The following LMNB1 variants were observed in gnomAD, a reference collection of about 807,000 sequenced individuals.
LMNB1 encodes lamin-B1.
In LMNB1, 23 loss-of-function variants were observed where a neutral mutation model predicts 67.1. The ratio of observed to expected loss-of-function variants is 0.34; its 90% CI spans 0.25 to 0.49. The LOEUF (loss-of-function observed/expected upper bound fraction) is 0.49. Among genes scored for constraint, LMNB1 ranks in the 20% least tolerant of loss-of-function variants. The probability of loss-of-function intolerance (pLI) is 0.99; values close to 1 mark genes in which losing one functional copy is unlikely to be tolerated. For synonymous variants in LMNB1, 281 were observed against 282.9 expected (o/e 0.99, Z 0.07); for missense variants, 634 against 746.5 (o/e 0.85, Z 1.76).
At chr5:126,780,609 G>A (rs1403422236) in intron 1 of LMNB1, among the ~76,000 whole-genome samples, 1 of 152,232 alleles carries the variant, frequency 6.6e-6, no homozygotes, top group Non-Finnish European at 1.5e-5. Flanking sequence ...AAGGGTTAGT[G>A]TGATTAAGGA....
intron 5 of LMNB1, among the ~76,000 whole-genome samples, chr5:126,818,320 C>G (rs1751763050): frequency 6.7e-6 from 1 of 149,820 alleles, no homozygotes; most frequent in Non-Finnish European, 1.5e-5. Context: ...CTCACTGCAA[C>G]CTCTGCCTCC....
At chr5:126,783,719 GTCTTT>G (rs1218627149) in intron 1 of LMNB1, among the ~76,000 whole-genome samples, 2 of 152,054 alleles carry the variant, frequency 1.3e-5, no homozygotes, top group Non-Finnish European at 2.9e-5. Context: ...AATATGGTGG[GTCTTT>G]TCTTTTTTGT....
intron 1 of LMNB1, among the ~76,000 whole-genome samples, chr5:126,787,540 ATATATAT>A (rs1479602718): frequency 4.2e-5 from 2 of 47,210 alleles, no homozygotes; most frequent in African/African-American, 1.4e-4. Context: ...ATATATATAT[ATATATAT>A]TTTTTTTTTT....
intron 9 of LMNB1, among the ~76,000 whole-genome samples, chr5:126,827,113 G>A (rs538485067): frequency 6.6e-6 from 1 of 152,232 alleles, no homozygotes; most frequent in Non-Finnish European, 1.5e-5. Flanking sequence ...TCTGAGTGGT[G>A]CTGAAAGGAG....
intron 2 of LMNB1, 84 bp downstream of exon 2, chr5:126,805,016 T>C (rs1751384052): frequency 5.2e-6 from 6 of 1,154,170 alleles, no homozygotes; most frequent in Non-Finnish European, 7.3e-6. Flanking sequence ...GATTGATTGA[T>C]TTTCAAATGT....
chr5:126,819,177 C>T (rs374667020), intron 6 of LMNB1, 35 bp downstream of exon 6: 7 of 1,403,484 alleles, frequency 5.0e-6, no homozygotes, highest in Non-Finnish European at 6.0e-6. Context: ...CCTTATGGTC[C>T]ACTTTTTGCC....
chr5:126,778,815 G>A (rs974350397), intron 1 of LMNB1, among the ~76,000 whole-genome samples: 1 of 152,176 alleles, frequency 6.6e-6, no homozygotes, highest in African/African-American at 2.4e-5. Flanking sequence ...CAGGGCAGGT[G>A]ACAGGGTGCT....
rs1252289065 is a variant in LMNB1, at chr5:126,795,854, T to A, written c.360-8922T>A. 2.0e-5 allele frequency among the ~76,000 whole-genome samples: 3 copies of A among 151,588 alleles called. No homozygotes were observed. In the East Asian group the frequency reaches 5.8e-4, roughly 30 times the overall value. The stretch of plus-strand genomic sequence containing the variant: ...GTTGGATCAGGCTGGTCTCAAACTC[T>A]TGACCTCATGATCCGCCTTCCTTGG... On this transcript the variant is annotated intron_variant, in intron 1 of 10. Transcript: ENST00000261366.
chr5:126,831,942 T>G (rs188815673), intron 9 of LMNB1, among the ~76,000 whole-genome samples: 1 of 152,150 alleles, frequency 6.6e-6, no homozygotes, highest in Non-Finnish European at 1.5e-5. Flanking sequence ...GTTACTGATA[T>G]ACAGCTCCCC....
intron 3 of LMNB1, among the ~76,000 whole-genome samples, chr5:126,806,232 T>C (rs562367938): frequency 2.6e-5 from 4 of 152,292 alleles, no homozygotes; most frequent in Admixed American, 6.5e-5. Context: ...GGATTACAGG[T>C]GTGAGCCACC....
At chr5:126,822,311 C>T (rs1269038496) in intron 7 of LMNB1, among the ~76,000 whole-genome samples, 1 of 152,088 alleles carries the variant, frequency 6.6e-6, no homozygotes, top group Non-Finnish European at 1.5e-5. Context: ...TTTTTTGAGC[C>T]CCTTATGCTT....
intron 7 of LMNB1, among the ~76,000 whole-genome samples, chr5:126,822,035 G>C (rs1218337397): frequency 7.9e-6 from 1 of 126,268 alleles, no homozygotes; most frequent in East Asian, 2.3e-4. Flanking sequence ...TTTGAGTCTT[G>C]CTCTGTTGCC....
intron 1 of LMNB1, among the ~76,000 whole-genome samples, chr5:126,795,292 T>A (rs890712388): frequency 6.6e-6 from 1 of 152,066 alleles, no homozygotes; most frequent in African/African-American, 2.4e-5. Context: ...CACAGGCCAC[T>A]ACTCCCAGCT....
chr5:126,822,986 C>T (rs1238737463), intron 8 of LMNB1, 101 bp downstream of exon 8: 18 of 703,722 alleles, frequency 2.6e-5, no homozygotes, highest in Non-Finnish European at 4.0e-5. Context: ...TAGAAATGGC[C>T]GTTAAAGTAC....
chr5:126,821,543 T>C (rs1638472687), intron 7 of LMNB1, among the ~76,000 whole-genome samples: 1 of 152,218 alleles, frequency 6.6e-6, no homozygotes, highest in Non-Finnish European at 1.5e-5. Context: ...GATAAGAGCC[T>C]GGACTCAGAT....
intron 1 of LMNB1, among the ~76,000 whole-genome samples, chr5:126,785,788 C>T (rs1488121029): frequency 6.6e-6 from 1 of 151,924 alleles, no homozygotes; most frequent in Non-Finnish European, 1.5e-5. Context: ...CCGAGGTGGG[C>T]GGATCACCTG....
At chr5:126,835,822 C>G (rs1417262046) in intron 10 of LMNB1, among the ~76,000 whole-genome samples, 1 of 152,132 alleles carries the variant, frequency 6.6e-6, no homozygotes, top group South Asian at 2.1e-4. Flanking sequence ...TACGGTGGCT[C>G]ACGCCTGTAA....
chr5:126,782,773 C>T (rs1750661745), intron 1 of LMNB1, among the ~76,000 whole-genome samples: 1 of 152,056 alleles, frequency 6.6e-6, no homozygotes, highest in African/African-American at 2.4e-5. Context: ...TGGTCTTGAT[C>T]TCTTGACCTC....
At chr5:126,827,534 G>A (rs1169738634) in intron 9 of LMNB1, among the ~76,000 whole-genome samples, 3 of 152,168 alleles carry the variant, frequency 2.0e-5, no homozygotes, top group Non-Finnish European at 4.4e-5. Flanking sequence ...GGTGGCACGT[G>A]CCTGTAGTCC....
Sources: gnomAD v4.1 joint callset for allele counts (sites outside exome capture counted in the v4.1 genomes callset) on GRCh38, gnomAD v4.1.1 for gene constraint, MANE v1.5 for transcripts, NCBI Gene and HGNC (gene_info 2026-07-23, HGNC 2026-07-21) for gene names.